TBC1D23: variants seen among roughly 807,000 people sequenced by gnomAD.
The protein encoded by TBC1D23 is TBC1 domain family member 23.
In TBC1D23, 55 loss-of-function variants were observed where a neutral mutation model predicts 91.4. The observed-to-expected ratio is 0.60, with a 90% confidence interval of 0.48 to 0.75. TBC1D23 has a LOEUF of 0.75. Ranked by LOEUF, TBC1D23 falls within the 30% of genes least tolerant of loss-of-function variation. TBC1D23 has a pLI of 0.00. For synonymous variants in TBC1D23, 289 were observed against 281.0 expected (o/e 1.03, Z -0.28); for missense variants, 725 against 836.1 (o/e 0.87, Z 1.64).
intron 8 of TBC1D23, 43 bp from the exon 9 acceptor site, chr3:100,297,880 T>A (rs758922214): frequency 3.0e-5 from 43 of 1,416,332 alleles, no homozygotes; most frequent in Non-Finnish European, 3.9e-5. Flanking sequence ...GAAGAAAGTT[T>A]GATTTTTTTT....
Position 100,323,683 on chromosome 3 carries a change from A to G in TBC1D23, c.*15A>G. 7.3e-7 allele frequency: 1 copy of G among 1,374,876 alleles called. No individual in the cohort carries two copies. Among genetic ancestry groups the G allele is most frequent in the Non-Finnish European group, 9.8e-7 (1 of 1,020,322 alleles). 85.2% of individuals were successfully genotyped at this position (1,374,876 alleles called of 1,614,324 possible). A position where few individuals can be genotyped will look rare whatever the true frequency, so the allele number is the denominator to read the frequency against. On this transcript the variant is annotated 3_prime_UTR_variant, in exon 19 of 19. Coordinates refer to ENST00000394144, the MANE Select transcript of TBC1D23 (RefSeq NM_001199198.3). ...TGGAAAGTTAATATAAAAGAAAATT[A>G]TATAAAAAGAAATTAAGACAACCAA...
At chr3:100,265,027 A>AT (rs1289033148) in intron 1 of TBC1D23, among the ~76,000 whole-genome samples, 1 of 152,194 alleles carries the variant, frequency 6.6e-6, no homozygotes, top group East Asian at 1.9e-4. Flanking sequence ...GGTTATATAT[A>AT]TATCAGAATG....
chr3:100,280,815 T>C (rs1020359867), intron 2 of TBC1D23, among the ~76,000 whole-genome samples: 4 of 152,228 alleles, frequency 2.6e-5, no homozygotes, highest in Non-Finnish European at 5.9e-5. Context: ...CACTGGATTG[T>C]TTTAAAGCAA....
intron 10 of TBC1D23, among the ~76,000 whole-genome samples, chr3:100,301,194 A>G (rs990316845): frequency 1.4e-5 from 2 of 145,292 alleles, no homozygotes; most frequent in Non-Finnish European, 3.0e-5. Context: ...GAACCCAGCT[A>G]TTTGGGAGGC....
intron 4 of TBC1D23, among the ~76,000 whole-genome samples, chr3:100,288,150 G>A (rs182703964): frequency 1.3e-5 from 2 of 151,674 alleles, no homozygotes; most frequent in Admixed American, 1.3e-4. Flanking sequence ...GAGGCTAAGT[G>A]GGGAGGATCA....
In TBC1D23 at chr3:100,290,602, A is replaced by G. The variant is rs140702957; in HGVS notation, c.501A>G (p.Pro167=). The change falls in exon 5 of 19, where the codon CCA becomes CCG. Residue 167 remains proline (P), a synonymous_variant. Coordinates refer to ENST00000394144, the MANE Select transcript of TBC1D23 (RefSeq NM_001199198.3). ...IPRDCSQKGR[P]FHLFRLLIQY... is the part of the protein sequence containing the mutation. ...GGGATTGTTCCCAGAAAGGGAGACC[A>G]TTTCATCTCTTCAGGTTGCTCATCC... The G allele has an allele frequency of 1.9e-6, 3 of 1,613,752 alleles. No homozygotes were observed. The highest frequency in any genetic ancestry group is 1.7e-5 in the Admixed American group (1 of 59,956).
rs759855449 is a variant in TBC1D23, at chr3:100,320,773, C to G, written c.1824-4C>G. On this transcript the variant is annotated splice_region_variant and splice_polypyrimidine_tract_variant and intron_variant, in intron 17 of 18. Coordinates refer to ENST00000394144, the MANE Select transcript of TBC1D23 (RefSeq NM_001199198.3). ...TTTTCTTTTAATGCTTTTTTTGTCT[C>G]AAGTCATCTGTTGGTTACTGCAACA... is the stretch of plus-strand genomic sequence containing the variant. The G allele has an allele frequency of 2.8e-6, 4 of 1,444,660 alleles. No homozygotes were observed. The African/African-American group carries it at 5.8e-5, about 21-fold the overall frequency. The allele number at this position is 1,444,660 out of a possible 1,614,324, so 89.5% of individuals were successfully genotyped here. A position where few individuals can be genotyped will look rare whatever the true frequency, so the allele number is the denominator to read the frequency against.
intron 1 of TBC1D23, among the ~76,000 whole-genome samples, chr3:100,264,581 C>G: frequency 6.6e-6 from 1 of 152,174 alleles, no homozygotes; most frequent in Admixed American, 6.5e-5. Flanking sequence ...TAGGGCCTAT[C>G]TAGACAAATT....
At chr3:100,284,221 A>G (rs2067721034) in intron 4 of TBC1D23, among the ~76,000 whole-genome samples, 1 of 152,188 alleles carries the variant, frequency 6.6e-6, no homozygotes, top group South Asian at 2.1e-4. Context: ...AATTGGGAAT[A>G]TGAGATGATA....
chr3:100,277,724 A>G (rs1335220000), intron 1 of TBC1D23, among the ~76,000 whole-genome samples: 1 of 152,194 alleles, frequency 6.6e-6, no homozygotes, highest in Non-Finnish European at 1.5e-5. Context: ...CCATTTAAAT[A>G]TATGGTATTT....
Position 100,306,560 on chromosome 3 carries a change from A to G in TBC1D23, c.1413+17A>G. ...TCTGTTGATGTAAGTATATGTAGAGAATATGTTACCGGATTTGGATAAGTT... is the reference window on the plus strand; with the variant it reads ...TCTGTTGATGTAAGTATATGTAGAGGATATGTTACCGGATTTGGATAAGTT... On this transcript the variant is annotated intron_variant, in intron 13 of 18. Coordinates refer to ENST00000394144, the MANE Select transcript of TBC1D23 (RefSeq NM_001199198.3). 1 of 1,457,450 alleles carries G rather than the reference A, an allele frequency of 6.9e-7. No homozygotes were observed. The highest frequency in any genetic ancestry group is 9.6e-7 in the Non-Finnish European group (1 of 1,040,996). The allele number at this position is 1,457,450 out of a possible 1,614,324, so 90.3% of individuals were successfully genotyped here.
At chr3:100,265,043 G>C (rs1365687087) in intron 1 of TBC1D23, among the ~76,000 whole-genome samples, 1 of 152,188 alleles carries the variant, frequency 6.6e-6, no homozygotes, top group Non-Finnish European at 1.5e-5. Flanking sequence ...GAATGAGTAG[G>C]TCAGAGGAAT....
At chr3:100,304,719 A>G in intron 11 of TBC1D23, 127 bp from the exon 12 acceptor site, 1 of 636,590 alleles carries the variant, frequency 1.6e-6, no homozygotes, top group African/African-American at 1.9e-5. Context: ...CCAAAATGTC[A>G]AGGAAATGAG....
intron 5 of TBC1D23, among the ~76,000 whole-genome samples, chr3:100,292,318 T>C (rs1313201308): frequency 6.6e-6 from 1 of 152,176 alleles, no homozygotes; most frequent in Non-Finnish European, 1.5e-5. Context: ...TAGGAGACTA[T>C]ATGTTCATAT....
chr3:100,323,695 A>G lies in TBC1D23; in HGVS notation c.*27A>G. ...ATAAAAGAAAATTATATAAAAAGAA[A>G]TTAAGACAACCAAGAGAAACATGGA... On this transcript the variant is annotated 3_prime_UTR_variant, in exon 19 of 19. Coordinates refer to ENST00000394144, the MANE Select transcript of TBC1D23 (RefSeq NM_001199198.3). The G allele has an allele frequency of 7.9e-7, 1 of 1,269,724 alleles. No individual in the cohort carries two copies. The highest frequency in any genetic ancestry group is 1.6e-5 in the South Asian group (1 of 61,256). 78.7% of individuals were successfully genotyped at this position (1,269,724 alleles called of 1,614,324 possible).
intron 13 of TBC1D23, among the ~76,000 whole-genome samples, chr3:100,310,177 A>G (rs1705601855): frequency 6.6e-6 from 1 of 152,220 alleles, no homozygotes; most frequent in African/African-American, 2.4e-5. Context: ...TAAGGACACC[A>G]GTCAGACTGG....
At chr3:100,308,746 A>T (rs576515607) in intron 13 of TBC1D23, among the ~76,000 whole-genome samples, 1 of 152,352 alleles carries the variant, frequency 6.6e-6, no homozygotes, top group Admixed American at 6.5e-5. Context: ...TAAAAATAAT[A>T]TGAGTTTGTA....
chr3:100,303,468 G>T (rs984753893), intron 11 of TBC1D23, among the ~76,000 whole-genome samples: 23 of 151,990 alleles, frequency 1.5e-4, no homozygotes, highest in African/African-American at 4.6e-4. Flanking sequence ...AATTTAACTG[G>T]TCTACTCTAA....
chr3:100,298,075 G>A, intron 9 of TBC1D23, 30 bp downstream of exon 9: 5 of 1,597,526 alleles, frequency 3.1e-6, no homozygotes, highest in Non-Finnish European at 4.3e-6. Context: ...TTTGTTAGGG[G>A]ACTGTTCATT....
Sources: allele counts gnomAD v4.1 joint callset (sites outside exome capture counted in the v4.1 genomes callset), GRCh38; gene constraint gnomAD v4.1.1; transcripts MANE v1.5; gene names NCBI Gene and HGNC (gene_info 2026-07-23, HGNC 2026-07-21).